Variants in CRCP observed in about 807,000 individuals in gnomAD.
CRCP encodes the protein CGRP receptor component.
CRCP carries 18 observed loss-of-function variants against 18.5 expected under a neutral mutation model. That is an observed-to-expected ratio of 0.97 (90% CI 0.67 to 1.44). The LOEUF (loss-of-function observed/expected upper bound fraction) is 1.44, where lower values mean the gene tolerates loss of function less well. Among genes scored for constraint, CRCP ranks in the 40% most tolerant of loss-of-function variants. The pLI, the probability that CRCP is intolerant of heterozygous loss-of-function variation, is 0.00. For missense variants in CRCP, 130 were observed against 176.4 expected, an observed-to-expected ratio of 0.74 and a Z score of 1.49; for synonymous variants, 53 against 62.9, an observed-to-expected ratio of 0.84 and a Z score of 0.75.
chr7:66,136,217 CGTTTTTTTTTTATTGGTTT>C (rs1787967327), intron 4 of CRCP, among the ~76,000 whole-genome samples: 1 of 151,288 alleles, frequency 6.6e-6, no homozygotes, highest in Admixed American at 6.6e-5. Flanking sequence ...AAAACTAGCC[CGTTTTTTTTTTATTGGTTT>C]GTTTTTTTTT....
chr7:66,129,923 C>T (rs187086269), intron 2 of CRCP, among the ~76,000 whole-genome samples: 225 of 152,074 alleles, frequency 1.5e-3, no homozygotes, highest in African/African-American at 5.0e-3. Flanking sequence ...CCCCCCTGCC[C>T]CCAGCACTAA....
At chr7:66,142,553 G>C (rs1287364655) in intron 4 of CRCP, among the ~76,000 whole-genome samples, 1 of 152,186 alleles carries the variant, frequency 6.6e-6, no homozygotes, top group Non-Finnish European at 1.5e-5. Context: ...GAGTGCAGTG[G>C]TGTGATCATA....
intron 1 of CRCP, among the ~76,000 whole-genome samples, 157 bp from the exon 2 acceptor site, chr7:66,127,547 A>G (rs1412163428): frequency 2.6e-5 from 4 of 152,284 alleles, no homozygotes; most frequent in Non-Finnish European, 4.4e-5. Flanking sequence ...TAGCTAAACC[A>G]TGTTGGACTT....
chr7:66,139,440 T>G (rs1323653506), intron 4 of CRCP, among the ~76,000 whole-genome samples: 3 of 152,264 alleles, frequency 2.0e-5, no homozygotes, highest in African/African-American at 7.2e-5. Context: ...CTTGATAATT[T>G]TAACATGTCA....
intron 5 of CRCP, among the ~76,000 whole-genome samples, chr7:66,151,673 C>CTCTCTG (rs1484742797): frequency 3.0e-4 from 42 of 138,588 alleles, no homozygotes; most frequent in African/African-American, 4.0e-4. Context: ...CCACTTCTCT[C>CTCTCTG]TGTGTGTGTG....
intron 1 of CRCP, chr7:66,126,560 G>A (rs982717516): frequency 2.1e-5 from 8 of 381,362 alleles, no homozygotes; most frequent in Admixed American, 1.5e-4. Context: ...GGAATCATAC[G>A]AATAGCTCCT....
At chr7:66,141,852 A>G (rs1410679753) in intron 4 of CRCP, among the ~76,000 whole-genome samples, 1 of 151,996 alleles carries the variant, frequency 6.6e-6, no homozygotes, top group Non-Finnish European at 1.5e-5. Context: ...CCAGCAGGGA[A>G]TGTTTGTGCG....
At chr7:66,121,150 C>T (rs1209175578) in intron 1 of CRCP, among the ~76,000 whole-genome samples, 1 of 151,854 alleles carries the variant, frequency 6.6e-6, no homozygotes, top group South Asian at 2.1e-4. Context: ...TCTCGGCTGA[C>T]TGCAACCTCC....
At chr7:66,151,756 T>TTTTTTTTTTTTTTTTTTTTTA (rs1788481111) in intron 5 of CRCP, among the ~76,000 whole-genome samples, 1 of 143,008 alleles carries the variant, frequency 7.0e-6, no homozygotes, top group Non-Finnish European at 1.5e-5. Context: ...TCTTTTCTTT[T>TTTTTTTTTTTTTTTTTTTTTA]TTTTTTTTTT....
chr7:66,115,856 C>T (rs772371232), intron 1 of CRCP, among the ~76,000 whole-genome samples: 5 of 152,146 alleles, frequency 3.3e-5, no homozygotes, highest in Non-Finnish European at 7.3e-5. Context: ...GTCCCCCAGG[C>T]GGGGTGTAAT....
intron 1 of CRCP, among the ~76,000 whole-genome samples, chr7:66,117,311 C>T (rs546684429): frequency 2.0e-5 from 3 of 152,196 alleles, no homozygotes; most frequent in Admixed American, 1.3e-4. Context: ...CCCTGGGTCC[C>T]GTTCCTCTCT....
At chr7:66,123,914 T>G (rs188107407) in intron 1 of CRCP, among the ~76,000 whole-genome samples, 80 of 147,504 alleles carry the variant, frequency 5.4e-4, no homozygotes, top group African/African-American at 1.8e-3. Context: ...GCGTGGTGGC[T>G]GGCGCCTGTA....
At chr7:66,124,863 T>G (rs974819931) in intron 1 of CRCP, among the ~76,000 whole-genome samples, 1 of 149,340 alleles carries the variant, frequency 6.7e-6, no homozygotes, top group African/African-American at 2.4e-5. Flanking sequence ...TAATCTACTA[T>G]TATTAAGATA....
intron 2 of CRCP, among the ~76,000 whole-genome samples, chr7:66,128,299 CTAAA>C (rs1389299456): frequency 6.6e-6 from 1 of 152,078 alleles, no homozygotes; most frequent in African/African-American, 2.4e-5. Context: ...GCAACCTTCT[CTAAA>C]TCTCAACGAT....
At chr7:66,136,215 C>T (rs1248281707) in intron 4 of CRCP, among the ~76,000 whole-genome samples, 1 of 151,938 alleles carries the variant, frequency 6.6e-6, no homozygotes, top group Non-Finnish European at 1.5e-5. Flanking sequence ...AGAAAACTAG[C>T]CCGTTTTTTT....
chr7:66,148,061 T>TAA lies in CRCP; in HGVS notation c.297+2572_297+2573dup, dbSNP rs879398924. On this transcript the variant is annotated intron_variant, in intron 5 of 5. Transcript: ENST00000395326. Reference sequence around the variant, plus strand: ...TGTGACTGAGCAAGAACCTGTCTTTTAAAAAAAAAAAAGCAAATGGCTGGG... The same window carrying TAA: ...TGTGACTGAGCAAGAACCTGTCTTTTAAAAAAAAAAAAAAGCAAATGGCTGGG... 5.6e-5 allele frequency among the ~76,000 whole-genome samples: 8 copies of TAA among 142,412 alleles called. No homozygotes were observed. In the South Asian group the frequency reaches 1.6e-3, roughly 28 times the overall value. 93.4% of individuals were successfully genotyped at this position (142,412 alleles called of 152,430 possible).
rs572058251 is a variant in CRCP at position 66,121,319 on chromosome 7, G to C, written c.8+6349G>C. Among the ~76,000 whole-genome samples the C allele has an allele frequency of 2.1e-3, 322 of 152,086 alleles. 1 individual carries two copies. Among genetic ancestry groups the C allele is most frequent in the African/African-American group, 7.6e-3 (315 of 41,494 alleles). On this transcript the variant is annotated intron_variant, in intron 1 of 5. Coordinates refer to ENST00000395326, the MANE Select transcript of CRCP (RefSeq NM_014478.5). ...TACCGCCTCGGCCTCCGAAAGTGCT[G>C]GGATTACAGGCATGAGCCACCGCGC...
intron 5 of CRCP, among the ~76,000 whole-genome samples, chr7:66,147,361 G>T (rs1439605547): frequency 1.3e-5 from 2 of 148,698 alleles, no homozygotes; most frequent in Non-Finnish European, 3.0e-5. Context: ...AAAAAAGAGT[G>T]CATGGGGTGT....
At chr7:66,136,237 GT>G (rs1189522338) in intron 4 of CRCP, among the ~76,000 whole-genome samples, 5 of 149,350 alleles carry the variant, frequency 3.3e-5, no homozygotes, top group Admixed American at 6.7e-5. Flanking sequence ...TTATTGGTTT[GT>G]TTTTTTTTGA....
Sources: gnomAD v4.1 joint callset for allele counts (sites outside exome capture counted in the v4.1 genomes callset) on GRCh38, gnomAD v4.1.1 for gene constraint, MANE v1.5 for transcripts, NCBI Gene and HGNC (gene_info 2026-07-23, HGNC 2026-07-21) for gene names.